Variants in FBXO34 observed in about 807,000 individuals in gnomAD.
The protein encoded by FBXO34 is F-box protein 34, also known as F-box only protein 34.
FBXO34 carries 12 observed loss-of-function variants against 24.5 expected under a neutral mutation model. The ratio of observed to expected loss-of-function variants is 0.49; its 90% CI spans 0.31 to 0.79. The LOEUF is 0.79. Ranked by LOEUF, FBXO34 falls within the 30% of genes least tolerant of loss-of-function variation. The probability of loss-of-function intolerance (pLI) is 0.04; values close to 1 mark genes in which losing one functional copy is unlikely to be tolerated. For missense variants in FBXO34, 823 were observed against 857.7 expected (o/e 0.96, Z 0.51); for synonymous variants, 320 against 311.9 (o/e 1.03, Z -0.27).
At chr14:55,307,598 G>T (rs533631980) in intron 1 of FBXO34, among the ~76,000 whole-genome samples, 4 of 152,300 alleles carry the variant, frequency 2.6e-5, no homozygotes, top group African/African-American at 9.6e-5. Flanking sequence ...AGAAAGAATG[G>T]CTGGCGATTT....
chr14:55,399,423 G>A, the FBXO34 span, among the ~76,000 whole-genome samples: 1 of 152,182 alleles, frequency 6.6e-6, no homozygotes, highest in Non-Finnish European at 1.5e-5. Flanking sequence ...CAGTAAGGTG[G>A]CAACAGCATG....
chr14:55,336,038 T>C (rs1202865526), intron 1 of FBXO34, among the ~76,000 whole-genome samples: 3 of 152,240 alleles, frequency 2.0e-5, no homozygotes, highest in Admixed American at 1.3e-4. Flanking sequence ...AATGTTTATA[T>C]ATATATGTCT....
chr14:55,440,783 C>T, the FBXO34 span, among the ~76,000 whole-genome samples: 4 of 151,978 alleles, frequency 2.6e-5, no homozygotes, highest in African/African-American at 9.7e-5. Flanking sequence ...TGATTTCCTT[C>T]GATACTCGCA....
At chr14:55,397,226 A>G in the FBXO34 span, 7 of 746,848 alleles carry the variant, frequency 9.4e-6, no homozygotes, top group Non-Finnish European at 1.6e-5. Flanking sequence ...TACCTCTCCC[A>G]CATGCACTCC....
intron 1 of FBXO34, among the ~76,000 whole-genome samples, chr14:55,297,815 C>G (rs1882193120): frequency 1.3e-5 from 2 of 152,098 alleles, no homozygotes; most frequent in South Asian, 4.1e-4. Flanking sequence ...AGCCAAAAAA[C>G]CGGGAATGAA....
intron 1 of FBXO34, among the ~76,000 whole-genome samples, chr14:55,322,851 CAG>C (rs1338655678): frequency 6.6e-6 from 1 of 151,706 alleles, no homozygotes; most frequent in African/African-American, 2.4e-5. Context: ...ACATTTTACT[CAG>C]TGTGCCATTA....
chr14:55,368,265 G>C (rs987765943), downstream of FBXO34: 1 of 152,546 alleles, frequency 6.6e-6, no homozygotes, highest in Non-Finnish European at 1.5e-5. Context: ...TTGTTGCCCA[G>C]GCTGGAGTGC....
At chr14:55,282,944 A>T (rs1881609808) in intron 1 of FBXO34, among the ~76,000 whole-genome samples, 1 of 152,232 alleles carries the variant, frequency 6.6e-6, no homozygotes, top group Non-Finnish European at 1.5e-5. Context: ...AGGAGAGGCA[A>T]ACTTGTTTCC....
chr14:55,383,567 AC>A, the FBXO34 span, among the ~76,000 whole-genome samples: 2 of 151,796 alleles, frequency 1.3e-5, no homozygotes, highest in East Asian at 1.9e-4. Flanking sequence ...ACACAAAAAA[AC>A]AAAACAACAA....
chr14:55,308,038 G>A (rs917484713), intron 1 of FBXO34, among the ~76,000 whole-genome samples: 2 of 152,164 alleles, frequency 1.3e-5, no homozygotes, highest in South Asian at 2.1e-4. Context: ...CACGAGATCC[G>A]ATGGTTTTAT....
chr14:55,290,543 T>C, intron 1 of FBXO34, among the ~76,000 whole-genome samples: 1 of 152,144 alleles, frequency 6.6e-6, no homozygotes, highest in Admixed American at 6.5e-5. Flanking sequence ...CTAATACTGC[T>C]CTATGTATGC....
At chr14:55,278,963 A>G (rs1881436568) in intron 1 of FBXO34, among the ~76,000 whole-genome samples, 1 of 152,026 alleles carries the variant, frequency 6.6e-6, no homozygotes, top group South Asian at 2.1e-4. Context: ...CTGGGATTAT[A>G]GGCGTGAGCC....
At chr14:55,439,457 T>C in the FBXO34 span, among the ~76,000 whole-genome samples, 1 of 151,676 alleles carries the variant, frequency 6.6e-6, no homozygotes, top group Non-Finnish European at 1.5e-5. Flanking sequence ...CTGAAGTCAC[T>C]ACAGCTAGCA....
rs190728077 is a variant in FBXO34 at position 55,277,000 on chromosome 14, T to C, written c.-11+5463T>C. On this transcript the variant is annotated intron_variant, in intron 1 of 1. Coordinates refer to ENST00000313833, the MANE Select transcript of FBXO34 (RefSeq NM_017943.4). ...TAAAACAAGGTTGGGCATTACAGTT[T>C]TTAGGCAAAACTTGTATATAGTAAA... 1.4e-4 allele frequency among the ~76,000 whole-genome samples: 22 copies of C among 152,314 alleles called. 1 individual carries two copies. In the East Asian group the frequency reaches 4.2e-3, roughly 29 times the overall value.
downstream of FBXO34, among the ~76,000 whole-genome samples, chr14:55,362,396 G>C (rs1420163075): frequency 6.6e-6 from 1 of 152,200 alleles, no homozygotes; most frequent in Non-Finnish European, 1.5e-5. Context: ...CAAAATGTCA[G>C]ACATGATGAA....
At position 55,350,930 on chromosome 14, in the gene FBXO34, T is replaced by G. The variant is rs773524764; in HGVS notation, c.540T>G (p.Phe180Leu). 1 of 1,614,026 alleles carries G rather than the reference T, an allele frequency of 6.2e-7. No homozygotes were observed. Among genetic ancestry groups the G allele is most frequent in the Non-Finnish European group, 8.5e-7 (1 of 1,179,934 alleles). The change falls in exon 2 of 2, where the codon TTT becomes TTG. Residue 180 changes from phenylalanine (F) to leucine (L), a missense_variant. Physicochemically the swap from Phe to Leu is conservative, Grantham distance 22. Around this residue, in one of 2 missense-constraint regions of FBXO34, gnomAD observed 693 missense variants for 659.1 expected, o/e 1.05. Coordinates refer to ENST00000313833, the MANE Select transcript of FBXO34 (RefSeq NM_017943.4). ...VNSRCYQPEPFACGIEHCSVH... is the reference protein window; with the variant it reads ...VNSRCYQPEPLACGIEHCSVH... ...GCAGGTGCTACCAACCTGAGCCTTT[T>G]GCATGTGGCATTGAGCACTGTTCTG...
At chr14:55,330,650 G>T (rs921190669) in intron 1 of FBXO34, among the ~76,000 whole-genome samples, 2 of 152,024 alleles carry the variant, frequency 1.3e-5, no homozygotes, top group African/African-American at 4.8e-5. Flanking sequence ...AATTAGCTGG[G>T]AGTGGTGGTA....
chr14:55,311,997 C>T (rs887223532), intron 1 of FBXO34, among the ~76,000 whole-genome samples: 17 of 152,174 alleles, frequency 1.1e-4, no homozygotes, highest in East Asian at 9.7e-4. Flanking sequence ...GTAAGGCGTT[C>T]GAGACCAGCC....
At chr14:55,441,993 C>T in the FBXO34 span, among the ~76,000 whole-genome samples, 1 of 151,410 alleles carries the variant, frequency 6.6e-6, no homozygotes, top group Non-Finnish European at 1.5e-5. Flanking sequence ...AATCTCCTGG[C>T]CTCAGGTGAT....
Sources: allele counts gnomAD v4.1 joint callset (sites outside exome capture counted in the v4.1 genomes callset), GRCh38; gene constraint gnomAD v4.1.1; regional missense constraint gnomAD v4.1.1; transcripts MANE v1.5; gene names NCBI Gene and HGNC (gene_info 2026-07-23, HGNC 2026-07-21).